EPHA6: variants seen among roughly 807,000 people sequenced by gnomAD.
EPHA6 encodes the protein ephrin type-A receptor 6.
Under a neutral mutation model 112.0 loss-of-function variants are expected in EPHA6, and 50 were observed. That is an observed-to-expected ratio of 0.45 (90% CI 0.36 to 0.56). EPHA6 has a LOEUF of 0.56. Ranked by LOEUF, EPHA6 falls within the 20% of genes least tolerant of loss-of-function variation. The pLI is 0.00. For synonymous variants in EPHA6, 529 were observed against 490.7 expected, an observed-to-expected ratio of 1.08 and a Z score of -1.03; for missense variants, 1,280 against 1,417.4, an observed-to-expected ratio of 0.90 and a Z score of 1.56.
chr3:97,395,723 C>T (rs1486550039), intron 5 of EPHA6, among the ~76,000 whole-genome samples: 1 of 151,546 alleles, frequency 6.6e-6, no homozygotes, highest in Non-Finnish European at 1.5e-5. Flanking sequence ...CACACACACA[C>T]ATTCCTGTCC....
intron 10 of EPHA6, among the ~76,000 whole-genome samples, chr3:97,528,066 T>C (rs2092647691): frequency 1.3e-5 from 2 of 152,122 alleles, no homozygotes; most frequent in African/African-American, 4.8e-5. Context: ...AAAGCTATAA[T>C]TGGTTTCTTA....
intron 3 of EPHA6, among the ~76,000 whole-genome samples, chr3:97,074,516 G>A (rs1451826189): frequency 1.3e-5 from 2 of 151,788 alleles, no homozygotes; most frequent in African/African-American, 2.4e-5. Flanking sequence ...TTAAGTATGA[G>A]TAAGATTGAT....
chr3:97,389,290 C>G (rs1274371270), intron 5 of EPHA6, among the ~76,000 whole-genome samples: 2 of 152,184 alleles, frequency 1.3e-5, no homozygotes, highest in East Asian at 1.9e-4. Context: ...GGCATAGGCA[C>G]TAGCCAGTTG....
chr3:96,884,408 T>C (rs957617688), intron 2 of EPHA6, among the ~76,000 whole-genome samples: 3 of 152,206 alleles, frequency 2.0e-5, no homozygotes, highest in African/African-American at 7.2e-5. Flanking sequence ...CATCATTTTA[T>C]AGCTTTCCTT....
intron 3 of EPHA6, 26 bp downstream of exon 3, chr3:96,988,019 T>C (rs749554374): frequency 6.6e-7 from 1 of 1,505,690 alleles, no homozygotes; most frequent in East Asian, 2.3e-5. Context: ...TTAAATAATT[T>C]ATCTTGCATT....
intron 12 of EPHA6, among the ~76,000 whole-genome samples, chr3:97,597,540 C>T (rs965489785): frequency 2.0e-5 from 3 of 152,188 alleles, no homozygotes; most frequent in African/African-American, 7.2e-5. Context: ...CTGCTATTCT[C>T]TGAGTAGCCA....
intron 3 of EPHA6, among the ~76,000 whole-genome samples, chr3:97,143,962 T>G (rs1478149559): frequency 1.3e-5 from 2 of 151,738 alleles, no homozygotes; most frequent in Admixed American, 1.3e-4. Flanking sequence ...CTCAACTGTC[T>G]AGGGAGTTGC....
chr3:97,158,246 TATCC>T (rs1226320265), intron 3 of EPHA6, among the ~76,000 whole-genome samples: 1 of 152,132 alleles, frequency 6.6e-6, no homozygotes, highest in Non-Finnish European at 1.5e-5. Context: ...ATATTTGCTT[TATCC>T]ATCTGTCTGT....
chr3:96,939,842 G>A (rs1559607771), intron 2 of EPHA6, among the ~76,000 whole-genome samples: 1 of 152,068 alleles, frequency 6.6e-6, no homozygotes, highest in Non-Finnish European at 1.5e-5. Context: ...CTTTATTTCT[G>A]CCTTCATTTT....
chr3:97,605,749 T>C (rs1316796092), intron 12 of EPHA6, among the ~76,000 whole-genome samples: 5 of 151,666 alleles, frequency 3.3e-5, no homozygotes, highest in Non-Finnish European at 7.4e-5. Context: ...TGGTTCCATA[T>C]GAATTTTAGA....
At chr3:97,671,271 T>A (rs1435067108) in intron 14 of EPHA6, among the ~76,000 whole-genome samples, 1 of 152,118 alleles carries the variant, frequency 6.6e-6, no homozygotes, top group Non-Finnish European at 1.5e-5. Context: ...CTTTATCCAA[T>A]CATCTCCTGC....
At chr3:97,087,947 G>T (rs954902893) in intron 3 of EPHA6, among the ~76,000 whole-genome samples, 7 of 152,084 alleles carry the variant, frequency 4.6e-5, no homozygotes, top group African/African-American at 7.2e-5. Flanking sequence ...ACTTTGGGAG[G>T]CTGAGGAGGG....
At chr3:97,187,696 A>G (rs796261563) in intron 3 of EPHA6, among the ~76,000 whole-genome samples, 5 of 106,830 alleles carry the variant, frequency 4.7e-5, no homozygotes, top group African/African-American at 1.9e-4. Context: ...AAGGAAAGAA[A>G]GAAAGAAAGA....
chr3:97,410,687 A>G (rs1370729928), intron 6 of EPHA6, among the ~76,000 whole-genome samples: 1 of 152,070 alleles, frequency 6.6e-6, no homozygotes, highest in Non-Finnish European at 1.5e-5. Context: ...AATATATTTG[A>G]TTGGGCGAAT....
chr3:97,398,356 T>C (rs2086806450), intron 5 of EPHA6, among the ~76,000 whole-genome samples: 1 of 151,532 alleles, frequency 6.6e-6, no homozygotes, highest in South Asian at 2.1e-4. Context: ...AAAGTTATAA[T>C]TTATCCATCA....
intron 5 of EPHA6, among the ~76,000 whole-genome samples, chr3:97,312,631 C>A (rs899997652): frequency 8.6e-5 from 13 of 151,444 alleles, no homozygotes; most frequent in Non-Finnish European, 7.4e-5. Flanking sequence ...ATATTTTATA[C>A]GTATCCTTTA....
intron 2 of EPHA6, among the ~76,000 whole-genome samples, chr3:96,871,062 C>T (rs2036597341): frequency 6.6e-6 from 1 of 151,918 alleles, no homozygotes; most frequent in Non-Finnish European, 1.5e-5. Flanking sequence ...TGTTTTCAAA[C>T]TGATATTTAA....
intron 14 of EPHA6, among the ~76,000 whole-genome samples, chr3:97,708,399 A>G (rs771824038): frequency 1.3e-5 from 2 of 152,212 alleles, no homozygotes; most frequent in African/African-American, 2.4e-5. Context: ...GCAGAGAATT[A>G]AAGATGTGAC....
intron 5 of EPHA6, among the ~76,000 whole-genome samples, chr3:97,366,247 T>C (rs1164945253): frequency 6.6e-6 from 1 of 152,198 alleles, no homozygotes; most frequent in Non-Finnish European, 1.5e-5. Flanking sequence ...TTCTGTGCAG[T>C]TTTACTTTCT....
Sources: allele counts gnomAD v4.1 joint callset (sites outside exome capture counted in the v4.1 genomes callset), GRCh38; gene constraint gnomAD v4.1.1; transcripts MANE v1.5; gene names NCBI Gene and HGNC (gene_info 2026-07-23, HGNC 2026-07-21).